Variants in KLHDC2 observed in about 807,000 individuals in gnomAD.
The protein encoded by KLHDC2 is kelch domain-containing protein 2.
In KLHDC2, 38 loss-of-function variants were observed where a neutral mutation model predicts 62.3. The ratio of observed to expected loss-of-function variants is 0.61; its 90% CI spans 0.47 to 0.80. The LOEUF (loss-of-function observed/expected upper bound fraction) is 0.80. Ranked by LOEUF, KLHDC2 falls within the 30% of genes least tolerant of loss-of-function variation. The probability of loss-of-function intolerance (pLI) is 0.00; values close to 1 mark genes in which losing one functional copy is unlikely to be tolerated. For missense variants in KLHDC2, 430 were observed against 495.3 expected (o/e 0.87, Z 1.25); for synonymous variants, 159 against 161.0 (o/e 0.99, Z 0.09).
chr14:49,770,026 A>G (rs1015903872), intron 1 of KLHDC2, among the ~76,000 whole-genome samples: 10 of 152,204 alleles, frequency 6.6e-5, no homozygotes, highest in African/African-American at 2.4e-4. Flanking sequence ...ATGTAAATTA[A>G]TTCCCCTGGA....
Position 49,768,271 on chromosome 14 carries a change from C to G in KLHDC2, c.-198C>G, listed in dbSNP as rs1889584365. The G allele has an allele frequency of 1.9e-6, 1 of 534,054 alleles. No homozygotes were observed. The highest frequency in any genetic ancestry group is 2.1e-5 in the African/African-American group (1 of 48,668). 33.1% of individuals were successfully genotyped at this position (534,054 alleles called of 1,614,324 possible). A position where few individuals can be genotyped will look rare whatever the true frequency, so the allele number is the denominator to read the frequency against. ...GCGGCCCCTCTGTCTGCAGGCGTGC[C>G]CCGGCGGCGGCGGAGAGCCGTCCTC... is the stretch of plus-strand genomic sequence containing the variant. On this transcript the variant is annotated 5_prime_UTR_variant, in exon 1 of 13. Transcript: ENST00000298307.
At chr14:49,770,427 A>G (rs962292178) in intron 1 of KLHDC2, among the ~76,000 whole-genome samples, 1 of 152,110 alleles carries the variant, frequency 6.6e-6, no homozygotes, top group Non-Finnish European at 1.5e-5. Flanking sequence ...GGGTGGAAAA[A>G]GAAGTTGTTT....
At position 49,785,039 on chromosome 14, in the gene KLHDC2, G is replaced by A; in HGVS notation, c.*2086G>A. The A allele has an allele frequency of 4.4e-6, 7 of 1,606,038 alleles. No homozygotes were observed. Among genetic ancestry groups the A allele is most frequent in the Non-Finnish European group, 6.0e-6 (7 of 1,172,910 alleles). On this transcript the variant is annotated 3_prime_UTR_variant, in exon 13 of 13. Coordinates refer to ENST00000298307, the MANE Select transcript of KLHDC2 (RefSeq NM_014315.3). Reference sequence around the variant, plus strand: ...CAAAAAAGAGTAAGAATAATCTACTGTTAAGTCACTGAACTGTTTAAAATC... The same window carrying A: ...CAAAAAAGAGTAAGAATAATCTACTATTAAGTCACTGAACTGTTTAAAATC...
Position 49,780,715 on chromosome 14 carries a change from C to G in KLHDC2, c.896C>G (p.Thr299Ser). The G allele has an allele frequency of 1.9e-6, 3 of 1,606,776 alleles. No individual in the cohort carries two copies. Among genetic ancestry groups the G allele is most frequent in the Non-Finnish European group, 2.6e-6 (3 of 1,173,282 alleles). ...TTGCTTGAATCAGGTGATGCCTGGA[C>G]TTACTGCATCAGTAAAAATGAATGG... ...TDKQPLSDAW[T>S]YCISKNEWIQ... The change falls in exon 10 of 13, where the codon ACT becomes AGT. Residue 299 changes from threonine (T) to serine (S), a missense_variant. Thr to Ser is a moderately conservative substitution (Grantham distance 58). Coordinates refer to ENST00000298307, the MANE Select transcript of KLHDC2 (RefSeq NM_014315.3).
intron 3 of KLHDC2, among the ~76,000 whole-genome samples, chr14:49,775,207 A>G (rs1889745248): frequency 6.6e-6 from 1 of 152,254 alleles, no homozygotes; most frequent in African/African-American, 2.4e-5. Context: ...AGACAGATTA[A>G]GTCAATCAGA....
chr14:49,784,916 G>T lies in KLHDC2; in HGVS notation c.*1963G>T. 1.9e-6 allele frequency: 3 copies of T among 1,609,350 alleles called. No individual in the cohort carries two copies. Among genetic ancestry groups the T allele is most frequent in the East Asian group, 2.2e-5 (1 of 44,830 alleles). Reference sequence around the variant, plus strand: ...GTCTCCACATTCCTTTTCTGAAGGAGAACTTTACCTTTACGCTGCGGAATA... The same window carrying T: ...GTCTCCACATTCCTTTTCTGAAGGATAACTTTACCTTTACGCTGCGGAATA... On this transcript the variant is annotated 3_prime_UTR_variant, in exon 13 of 13. Coordinates refer to ENST00000298307, the MANE Select transcript of KLHDC2 (RefSeq NM_014315.3).
chr14:49,783,555 T>G lies in KLHDC2; in HGVS notation c.*602T>G, dbSNP rs1890016460. The G allele has an allele frequency of 6.6e-6, 1 of 152,112 alleles. No homozygotes were observed. Among genetic ancestry groups the G allele is most frequent in the Non-Finnish European group, 1.5e-5 (1 of 68,014 alleles). 9.4% of individuals were successfully genotyped at this position (152,112 alleles called of 1,614,324 possible). On this transcript the variant is annotated 3_prime_UTR_variant, in exon 13 of 13. Coordinates refer to ENST00000298307, the MANE Select transcript of KLHDC2 (RefSeq NM_014315.3). ...AAGTTTTTTTTTAATTAATAGGTTT[T>G]ATAGCTCATGAAGGAATGGAAATAA...
At chr14:49,781,503 C>A (rs1459589292) in intron 10 of KLHDC2, among the ~76,000 whole-genome samples, 2 of 151,886 alleles carry the variant, frequency 1.3e-5, no homozygotes, top group Non-Finnish European at 2.9e-5. Flanking sequence ...CTGAGGCAGG[C>A]AGAGTGCTTT....
chr14:49,778,291 C>T lies in KLHDC2; in HGVS notation c.549+32C>T, dbSNP rs1252908253. 8 of 1,426,542 alleles carry T rather than the reference C, an allele frequency of 5.6e-6. No homozygotes were observed. In the African/African-American group the frequency reaches 7.1e-5, roughly 13 times the overall value. 88.4% of individuals were successfully genotyped at this position (1,426,542 alleles called of 1,614,324 possible). On this transcript the variant is annotated intron_variant, in intron 5 of 12. Transcript: ENST00000298307. ...GAAGTTTCATATTTGCATATGGCCT[C>T]CTTAGTATGTTGAAATAATACATTT...
At chr14:49,777,589 TAAAA>T (rs11379959) in intron 3 of KLHDC2, among the ~76,000 whole-genome samples, 2 of 144,524 alleles carry the variant, frequency 1.4e-5, no homozygotes, top group Non-Finnish European at 1.5e-5. Flanking sequence ...CCCTGTCTCT[TAAAA>T]AAAAAAAGTG....
rs1338902221 is a variant in KLHDC2 at position 49,784,839 on chromosome 14, C to T, written c.*1886C>T. The T allele has an allele frequency of 3.5e-6, 5 of 1,410,108 alleles. No homozygotes were observed. The highest frequency in any genetic ancestry group is 2.3e-5 in the East Asian group (1 of 43,726). The allele number at this position is 1,410,108 out of a possible 1,614,324, so 87.3% of individuals were successfully genotyped here. ...GGTTTTACTGCTTCTAATAAGACAGCATTTTCTACTAAAATAACAAAAAAC... is the reference window on the plus strand; with the variant it reads ...GGTTTTACTGCTTCTAATAAGACAGTATTTTCTACTAAAATAACAAAAAAC... On this transcript the variant is annotated 3_prime_UTR_variant, in exon 13 of 13. Coordinates refer to ENST00000298307, the MANE Select transcript of KLHDC2 (RefSeq NM_014315.3).
chr14:49,774,964 G>C (rs1348886954), intron 3 of KLHDC2: 1 of 300,924 alleles, frequency 3.3e-6, no homozygotes, highest in Non-Finnish European at 6.2e-6. Flanking sequence ...TTAAATGTTA[G>C]ATGAACATTA....
At chr14:49,777,751 C>G in intron 3 of KLHDC2, 88 bp from the exon 4 acceptor site, 1 of 729,346 alleles carries the variant, frequency 1.4e-6, no homozygotes, top group Non-Finnish European at 2.3e-6. Flanking sequence ...TTAGATGGCA[C>G]TCTTATCATA....
chr14:49,778,622 G>A, intron 6 of KLHDC2, 128 bp downstream of exon 6: 1 of 580,670 alleles, frequency 1.7e-6, no homozygotes, highest in South Asian at 2.4e-5. Flanking sequence ...TGTTTTCTGG[G>A]GAGAAGATCC....
chr14:49,768,619 A>G lies in KLHDC2; in HGVS notation c.151A>G (p.Lys51Glu). Residue 51 changes from lysine (K) to glutamate (E), a missense_variant and splice_region_variant, in exon 1 of 13, where the codon AAG (lysine) becomes GAG (glutamate). Lys to Glu is a moderately conservative substitution (Grantham distance 56). Transcript: ENST00000298307. ...CCACATGTTCGTCTGGGGCGGCTAC[A>G]AGGTCAGTGAGTGGCCGGGCCGCGA... The part of the protein sequence containing the change: ...GRHMFVWGGY[K>E]SNQVRGLYDF... The G allele has an allele frequency of 1.9e-6, 3 of 1,591,294 alleles. No individual in the cohort carries two copies. The highest frequency in any genetic ancestry group is 2.6e-6 in the Non-Finnish European group (3 of 1,170,458).
intron 3 of KLHDC2, among the ~76,000 whole-genome samples, chr14:49,776,932 A>AATAT (rs34017046): frequency 0.016 from 2,388 of 145,126 alleles, 27 homozygotes; most frequent in African/African-American, 0.033. Context: ...AAAAAAAAGA[A>AATAT]ATATATATAT....
chr14:49,777,888 GAATT>G lies in KLHDC2; in HGVS notation c.402_405del (p.Asp136AlafsTer21). ...ACAGACAGAGTGTTACAGTGGGAAA[GAATT>G]GATTGCCAAGGAATTCCTCCATCAT... On this transcript the variant is annotated frameshift_variant, in exon 4 of 13. Transcript: ENST00000298307. LOFTEE classifies it high-confidence loss of function. The G allele has an allele frequency of 6.2e-7, 1 of 1,612,390 alleles. No homozygotes were observed. The highest frequency in any genetic ancestry group is 8.5e-7 in the Non-Finnish European group (1 of 1,179,012).
At position 49,768,684 on chromosome 14, in the gene KLHDC2, C is replaced by G. The variant is rs192499041; in HGVS notation, c.153+63C>G. The stretch of plus-strand genomic sequence containing the variant: ...CTGTGACTCGGGTCTGCGTTCGCGG[C>G]CAGGCGGGGAGGCCAGAGCGGGCCG... On this transcript the variant is annotated intron_variant, in intron 1 of 12. Coordinates refer to ENST00000298307, the MANE Select transcript of KLHDC2 (RefSeq NM_014315.3). 57 of 1,449,412 alleles carry G rather than the reference C, an allele frequency of 3.9e-5. No homozygotes were observed. The East Asian group carries it at 1.6e-3, about 40-fold the overall frequency. The allele number at this position is 1,449,412 out of a possible 1,614,324, so 89.8% of individuals were successfully genotyped here.
At chr14:49,774,482 A>T in intron 2 of KLHDC2, 79 bp from the exon 3 acceptor site, 1 of 875,824 alleles carries the variant, frequency 1.1e-6, no homozygotes, top group East Asian at 2.4e-5. Flanking sequence ...TTGTGAGGAT[A>T]TAAGTAGAAG....
Sources: allele counts gnomAD v4.1 joint callset (sites outside exome capture counted in the v4.1 genomes callset), GRCh38; gene constraint gnomAD v4.1.1; transcripts MANE v1.5; gene names NCBI Gene and HGNC (gene_info 2026-07-23, HGNC 2026-07-21).